Variants in ANKRD26 observed in about 807,000 individuals in gnomAD.
ANKRD26 encodes ankyrin repeat domain 26.
ANKRD26 carries 141 observed loss-of-function variants against 208.7 expected under a neutral mutation model. The ratio of observed to expected loss-of-function variants is 0.68; its 90% CI spans 0.59 to 0.78. ANKRD26 has a LOEUF of 0.78. ANKRD26 is among the 30% of genes least tolerant of loss of function. ANKRD26 has a pLI of 0.00. For synonymous variants in ANKRD26, 636 were observed against 660.4 expected, an observed-to-expected ratio of 0.96 and a Z score of 0.57; for missense variants, 1,889 against 1,938.7, an observed-to-expected ratio of 0.97 and a Z score of 0.48.
intron 15 of ANKRD26, among the ~76,000 whole-genome samples, chr10:27,058,914 G>GT (rs201450924): frequency 9.6e-6 from 1 of 104,190 alleles, no homozygotes; most frequent in African/African-American, 2.7e-5. Context: ...TTTGTTTTTT[G>GT]TTTTTTTGTT....
chr10:27,017,297 G>A (rs1303664312), intron 30 of ANKRD26, among the ~76,000 whole-genome samples: 1 of 152,080 alleles, frequency 6.6e-6, no homozygotes, highest in African/African-American at 2.4e-5. Context: ...ATAATTCTCT[G>A]ATGAAAATCA....
the ANKRD26 span, among the ~76,000 whole-genome samples, chr10:26,968,545 G>A: frequency 6.6e-5 from 10 of 152,274 alleles, no homozygotes; most frequent in African/African-American, 2.2e-4. Context: ...GGACAAATTA[G>A]CCCCAACACA....
chr10:27,074,608 G>C (rs558457853), intron 9 of ANKRD26, among the ~76,000 whole-genome samples: 43 of 152,226 alleles, frequency 2.8e-4, no homozygotes, highest in Admixed American at 2.2e-3. Flanking sequence ...TTGAACCCAG[G>C]GGGTGGAGGT....
intron 9 of ANKRD26, among the ~76,000 whole-genome samples, chr10:27,070,395 G>A (rs1005490912): frequency 2.0e-5 from 3 of 152,050 alleles, no homozygotes; most frequent in South Asian, 2.1e-4. Context: ...GCAAGACTCC[G>A]TCTCAAAAAA....
intron 31 of ANKRD26, 69 bp downstream of exon 31, chr10:27,014,425 T>G: frequency 8.1e-7 from 1 of 1,236,720 alleles, no homozygotes; most frequent in Non-Finnish European, 1.2e-6. Context: ...CTCATGAACC[T>G]AAGAATTATG....
chr10:27,060,572 T>C, intron 13 of ANKRD26, 32 bp from the exon 14 acceptor site: 5 of 1,418,940 alleles, frequency 3.5e-6, no homozygotes, highest in East Asian at 2.3e-5. Flanking sequence ...TAATCAATTA[T>C]ACATAAATAT....
chr10:27,006,043 GA>G lies in ANKRD26; in HGVS notation c.5000-321del, dbSNP rs1224346083. ...CTCTAACAAACATATGCTATAATCTGAAAAAAACAGACAAACATACAATTTC... is the reference window on the plus strand; with the variant it reads ...CTCTAACAAACATATGCTATAATCTGAAAAAACAGACAAACATACAATTTC... On this transcript the variant is annotated intron_variant, in intron 33 of 33. Transcript: ENST00000376087. 2.6e-5 allele frequency among the ~76,000 whole-genome samples: 4 copies of G among 152,116 alleles called. No homozygotes were observed. In the East Asian group the frequency reaches 7.7e-4, roughly 29 times the overall value.
At chr10:27,099,976 G>A in intron 1 of ANKRD26, 109 bp downstream of exon 1, 3 of 1,569,200 alleles carry the variant, frequency 1.9e-6, no homozygotes, top group Non-Finnish European at 2.6e-6. Flanking sequence ...CAGGGGCTAC[G>A]GAGCCCGCGG....
At chr10:26,993,833 C>T (rs1351641566) in intron 5 of ANKRD26, among the ~76,000 whole-genome samples, 1 of 152,144 alleles carries the variant, frequency 6.6e-6, no homozygotes, top group Non-Finnish European at 1.5e-5. Flanking sequence ...GTCTGCATAT[C>T]CAGGAGGCAT....
chr10:26,979,260 A>G (rs1362563311), intron 5 of ANKRD26, among the ~76,000 whole-genome samples: 1 of 152,166 alleles, frequency 6.6e-6, no homozygotes, highest in African/African-American at 2.4e-5. Context: ...GGTCACATCA[A>G]TATCCAAAGA....
At chr10:27,090,685 T>C (rs577236356) in intron 4 of ANKRD26, among the ~76,000 whole-genome samples, 4 of 152,352 alleles carry the variant, frequency 2.6e-5, no homozygotes, top group South Asian at 4.1e-4. Context: ...AGTTTACTTA[T>C]CTAAAGTAGG....
At chr10:27,045,682 C>T (rs187249778) in intron 18 of ANKRD26, among the ~76,000 whole-genome samples, 120 of 152,258 alleles carry the variant, frequency 7.9e-4, no homozygotes, top group Non-Finnish European at 1.5e-3. Flanking sequence ...GTCAAAAGTA[C>T]TCTGATATCT....
At position 27,005,610 on chromosome 10, in the gene ANKRD26, T is replaced by A; in HGVS notation, c.5113A>T (p.Lys1705Ter). 6.2e-7 allele frequency: 1 copy of A among 1,612,194 alleles called. No individual in the cohort carries two copies. The highest frequency in any genetic ancestry group is 8.5e-7 in the Non-Finnish European group (1 of 1,178,870). The change falls in exon 34 of 34, where the codon AAG (lysine) becomes TAG (stop). Residue 1705 changes from lysine to a stop codon, truncating the protein, a stop_gained. Transcript: ENST00000376087. LOFTEE classifies it high-confidence loss of function. Reference protein sequence around the residue: ...KASREYVQVLKKNYMI With the variant: ...KASREYVQVL ...ATCTTTCAGATCATATAATTTTTCT[T>A]TAAAACCTGTACATATTCTCTTGAT...
the ANKRD26 span, among the ~76,000 whole-genome samples, chr10:26,967,322 T>C: frequency 6.6e-6 from 1 of 152,204 alleles, no homozygotes; most frequent in African/African-American, 2.4e-5. Flanking sequence ...AAGAAAGTCA[T>C]TTAAGGTCAT....
At chr10:27,014,420 G>T in intron 31 of ANKRD26, 74 bp downstream of exon 31, 1 of 1,168,196 alleles carries the variant, frequency 8.6e-7, no homozygotes, top group Non-Finnish European at 1.2e-6. Flanking sequence ...TTAATCTCAT[G>T]AACCTAAGAA....
intron 4 of ANKRD26, among the ~76,000 whole-genome samples, chr10:27,089,165 T>C (rs2056216048): frequency 6.6e-6 from 1 of 152,218 alleles, no homozygotes; most frequent in Non-Finnish European, 1.5e-5. Context: ...CCAGTCTCAG[T>C]GGCAACAATG....
At chr10:26,973,527 T>C (rs2052179314), downstream of ANKRD26, among the ~76,000 whole-genome samples, 1 of 151,858 alleles carries the variant, frequency 6.6e-6, no homozygotes, top group African/African-American at 2.4e-5. Flanking sequence ...AAGAGGCTGA[T>C]TTTGTTTTAT....
In ANKRD26 at chr10:27,086,765, TTTG is replaced by T. The variant is rs373879681; in HGVS notation, c.639-159_639-157del. Among the ~76,000 whole-genome samples, 195 of 124,838 alleles carry T rather than the reference TTTG, an allele frequency of 1.6e-3. 3 individuals are homozygous for T. Among genetic ancestry groups the T allele is most frequent in the African/African-American group, 5.5e-3 (172 of 31,460 alleles). 81.9% of individuals were successfully genotyped at this position (124,838 alleles called of 152,430 possible). On this transcript the variant is annotated intron_variant, in intron 4 of 33. Coordinates refer to ENST00000376087, the MANE Select transcript of ANKRD26 (RefSeq NM_014915.3). Reference sequence around the variant, plus strand: ...CAAATATGTAAGCTCTACAAACTTTTTTGTTTTTTTTTTTTTTTTTTTTTGAGA... The same window carrying T: ...CAAATATGTAAGCTCTACAAACTTTTTTTTTTTTTTTTTTTTTTTTTGAGA...
downstream of ANKRD26, chr10:27,003,967 T>C (rs943433708): frequency 6.6e-6 from 1 of 152,194 alleles, no homozygotes; most frequent in Non-Finnish European, 1.5e-5. Context: ...TGGCAAAATC[T>C]GCGTAAGGTC....
Sources: allele counts gnomAD v4.1 joint callset (sites outside exome capture counted in the v4.1 genomes callset), GRCh38; gene constraint gnomAD v4.1.1; transcripts MANE v1.5; gene names NCBI Gene and HGNC (gene_info 2026-07-23, HGNC 2026-07-21).